LARS1: variants seen among roughly 807,000 people sequenced by gnomAD.
LARS1 encodes leucine--tRNA ligase, cytoplasmic.
In LARS1, 100 loss-of-function variants were observed where a neutral mutation model predicts 162.8. The observed-to-expected ratio is 0.61, with a 90% CI of 0.52 to 0.73. LARS1 has a LOEUF of 0.73. LARS1 is among the 30% of genes least tolerant of loss of function. The pLI is 0.00. For synonymous variants in LARS1, 457 were observed against 462.8 expected (o/e 0.99, Z 0.16); for missense variants, 1,258 against 1,408.9 (o/e 0.89, Z 1.71).
At chr5:146,157,823 G>A (rs1001583391) in intron 8 of LARS1, 28 bp from the exon 9 acceptor site, 1 of 1,604,992 alleles carries the variant, frequency 6.2e-7, no homozygotes, top group Admixed American at 1.7e-5. Flanking sequence ...ACAAAAATTT[G>A]AAGGAAAAAA....
intron 13 of LARS1, among the ~76,000 whole-genome samples, chr5:146,152,948 C>T (rs1299855715): frequency 6.6e-6 from 1 of 152,158 alleles, no homozygotes; most frequent in East Asian, 1.9e-4. Context: ...TGCTAAAAAG[C>T]TATTTGTTCC....
chr5:146,122,302 T>C (rs1751860708), intron 30 of LARS1, among the ~76,000 whole-genome samples, 190 bp downstream of exon 30: 1 of 152,142 alleles, frequency 6.6e-6, no homozygotes, highest in Admixed American at 6.6e-5. Context: ...AGTATTGCAC[T>C]GACCAAGGAA....
In LARS1 at chr5:146,177,483, AATAT is replaced by A. The variant is rs36005893; in HGVS notation, c.125+60_125+63del. 517 of 120,614 alleles carry A rather than the reference AATAT, an allele frequency of 4.3e-3. 22 individuals are homozygous for A. Among genetic ancestry groups the A allele is most frequent in the Middle Eastern group, 0.016 (4 of 250 alleles). The allele number at this position is 120,614 out of a possible 1,614,324, so 7.5% of individuals were successfully genotyped here. On this transcript the variant is annotated intron_variant, in intron 2 of 31. Transcript: ENST00000394434. ...TCCGTCTCAAAAAAAAAAAAAAAAA[AATAT>A]ATATATATATATATATATATAGAAA... is the stretch of plus-strand genomic sequence containing the variant.
chr5:146,142,767 C>A, intron 20 of LARS1, 105 bp downstream of exon 20: 3 of 847,308 alleles, frequency 3.5e-6, no homozygotes, highest in Non-Finnish European at 3.6e-6. Flanking sequence ...ATGTAACTGG[C>A]AAATCTATAC....
intron 4 of LARS1, among the ~76,000 whole-genome samples, chr5:146,169,996 T>A (rs748530949): frequency 1.3e-5 from 2 of 152,194 alleles, no homozygotes; most frequent in South Asian, 4.1e-4. Context: ...CAATGAAGTA[T>A]TCTTGTCAAA....
intron 5 of LARS1, among the ~76,000 whole-genome samples, chr5:146,166,497 C>G (rs564549931): frequency 1.3e-5 from 2 of 152,220 alleles, no homozygotes; most frequent in African/African-American, 4.8e-5. Context: ...ACAGCTTGAG[C>G]CCCAGAGCTG....
chr5:146,163,672 C>T (rs970151541), intron 6 of LARS1, among the ~76,000 whole-genome samples: 1 of 152,142 alleles, frequency 6.6e-6, no homozygotes, highest in Admixed American at 6.5e-5. Flanking sequence ...GGTGACAGAG[C>T]GAGACTCCAT....
rs571394334 is a variant in LARS1, at chr5:146,180,139, G to A, written c.6+2349C>T. On this transcript the variant is annotated intron_variant, in intron 1 of 31. Transcript: ENST00000394434. ...GCAGGACATGGGAACACTGAGGCCA[G>A]AGGATCACTTGAACCCAGGAGATCA... is the stretch of plus-strand genomic sequence containing the variant. Among the ~76,000 whole-genome samples, 10 of 152,338 alleles carry A rather than the reference G, an allele frequency of 6.6e-5. No individual in the cohort carries two copies. In the East Asian group the frequency reaches 1.9e-3, roughly 29 times the overall value.
chr5:146,157,288 T>C (rs896238462), intron 10 of LARS1, 115 bp downstream of exon 10: 1 of 845,822 alleles, frequency 1.2e-6, no homozygotes, highest in African/African-American at 1.7e-5. Flanking sequence ...ACTTACACAG[T>C]TTACTGCATG....
At chr5:146,146,403 C>A (rs1753010072) in intron 15 of LARS1, among the ~76,000 whole-genome samples, 1 of 146,694 alleles carries the variant, frequency 6.8e-6, no homozygotes, top group Admixed American at 6.8e-5. Context: ...AAAAGAAGAG[C>A]ACCAACTAAA....
At chr5:146,125,167 G>C (rs991424389) in intron 28 of LARS1, among the ~76,000 whole-genome samples, 3 of 151,978 alleles carry the variant, frequency 2.0e-5, no homozygotes, top group Non-Finnish European at 4.4e-5. Flanking sequence ...ACAGAGATTT[G>C]GCATTATGAC....
At chr5:146,161,750 T>C (rs1753790635) in intron 6 of LARS1, among the ~76,000 whole-genome samples, 1 of 121,566 alleles carries the variant, frequency 8.2e-6, no homozygotes, top group African/African-American at 2.7e-5. Context: ...CAAAACTCCA[T>C]CTCAAAAAAA....
intron 13 of LARS1, 116 bp from the exon 14 acceptor site, chr5:146,152,118 T>A: frequency 9.5e-7 from 1 of 1,053,038 alleles, no homozygotes; most frequent in Non-Finnish European, 1.4e-6. Context: ...TATATGTCAT[T>A]ACGACACTGC....
intron 23 of LARS1, 76 bp downstream of exon 23, chr5:146,132,820 AAG>A: frequency 1.7e-5 from 19 of 1,106,548 alleles, no homozygotes; most frequent in Admixed American, 2.5e-5. Context: ...AAAAAAAGAA[AAG>A]AAAAGAAAAA....
In LARS1 at chr5:146,157,468, T is replaced by A. The variant is rs1328818541; in HGVS notation, c.1000A>T (p.Met334Leu). Reference sequence around the variant, plus strand: ...TCTTTGGTAAAGCCCTGGTATGACATATTCCTGGCTGCTTTTTGGGTACAG... The same window carrying A: ...TCTTTGGTAAAGCCCTGGTATGACAAATTCCTGGCTGCTTTTTGGGTACAG... ...FICTQKAARN[M>L]SYQGFTKDNG... Residue 334 changes from methionine to leucine, a missense_variant, in exon 10 of 32, where the codon ATG (methionine) becomes TTG (leucine). Coordinates refer to ENST00000394434, the MANE Select transcript of LARS1 (RefSeq NM_020117.11). 1 of 1,614,188 alleles carries A rather than the reference T, an allele frequency of 6.2e-7. No individual in the cohort carries two copies. The highest frequency in any genetic ancestry group is 1.3e-5 in the African/African-American group (1 of 75,058).
At chr5:146,180,246 A>T (rs1462922255) in intron 1 of LARS1, among the ~76,000 whole-genome samples, 1 of 152,180 alleles carries the variant, frequency 6.6e-6, no homozygotes, top group Non-Finnish European at 1.5e-5. Context: ...AAAAATAAAA[A>T]ATATGGCCAG....
intron 5 of LARS1, among the ~76,000 whole-genome samples, chr5:146,166,901 C>G (rs1754034295): frequency 6.6e-6 from 1 of 152,034 alleles, no homozygotes; most frequent in African/African-American, 2.4e-5. Flanking sequence ...CAGACGCCAT[C>G]TTAACCAAAT....
chr5:146,121,723 G>A (rs933507962), intron 30 of LARS1, among the ~76,000 whole-genome samples: 9 of 152,094 alleles, frequency 5.9e-5, no homozygotes, highest in Non-Finnish European at 1.3e-4. Flanking sequence ...AACTAACACA[G>A]GAACAGAAAA....
intron 1 of LARS1, chr5:146,179,744 C>A (rs1018924512): frequency 8.9e-5 from 35 of 394,080 alleles, no homozygotes; most frequent in South Asian, 2.0e-4. Flanking sequence ...GGACTACAGG[C>A]ATATGCACCA....
Sources: allele counts gnomAD v4.1 joint callset (sites outside exome capture counted in the v4.1 genomes callset), GRCh38; gene constraint gnomAD v4.1.1; transcripts MANE v1.5; gene names NCBI Gene and HGNC (gene_info 2026-07-23, HGNC 2026-07-21).